The following ARID1B variants were observed in gnomAD, a reference collection of about 807,000 sequenced individuals.
The protein encoded by ARID1B is AT-rich interaction domain 1B.
Under a neutral mutation model 212.3 loss-of-function variants are expected in ARID1B, and 30 were observed. The observed-to-expected ratio is 0.14, with a 90% CI of 0.11 to 0.19. ARID1B has a LOEUF of 0.19. Ranked by LOEUF, ARID1B falls within the 10% of genes least tolerant of loss-of-function variation. The pLI, the probability that ARID1B is intolerant of heterozygous loss-of-function variation, is 1.00. For synonymous variants in ARID1B, 1,402 were observed against 1,301.7 expected, an observed-to-expected ratio of 1.08 and a Z score of -1.66; for missense variants, 2,891 against 3,204.0, an observed-to-expected ratio of 0.90 and a Z score of 2.36.
intron 8 of ARID1B, among the ~76,000 whole-genome samples, chr6:157,162,131 G>A (rs922435650): frequency 2.6e-5 from 4 of 152,164 alleles, no homozygotes; most frequent in South Asian, 2.1e-4. Context: ...ACACTTCACC[G>A]TCTGTCACTG....
At chr6:157,022,403 C>T (rs1451212883) in intron 4 of ARID1B, 1 of 152,262 alleles carries the variant, frequency 6.6e-6, no homozygotes. Context: ...GTTTCATCTC[C>T]TGCCTGTGCT....
At position 157,208,894 on chromosome 6, in the gene ARID1B, A is replaced by ATT. The variant is rs917676120; in HGVS notation, c.*1003_*1004insTT. The ATT allele has an allele frequency of 8.8e-6, 2 of 228,464 alleles. No homozygotes were observed. Among genetic ancestry groups the ATT allele is most frequent in the Admixed American group, 1.1e-4 (2 of 17,642 alleles). 14.2% of individuals were successfully genotyped at this position (228,464 alleles called of 1,614,324 possible). On this transcript the variant is annotated 3_prime_UTR_variant, in exon 20 of 20. Coordinates refer to ENST00000636930, the MANE Select transcript of ARID1B (RefSeq NM_001374828.1). ...AACAAAAACAAAAAAAAAAGAGGGTAATGTACAAGTTTCTGTATGTATAAA... is the reference window on the plus strand; with the variant it reads ...AACAAAAACAAAAAAAAAAGAGGGTATTATGTACAAGTTTCTGTATGTATAAA...
intron 4 of ARID1B, among the ~76,000 whole-genome samples, chr6:156,973,578 A>G (rs1777066001): frequency 6.6e-6 from 1 of 152,230 alleles, no homozygotes; most frequent in South Asian, 2.1e-4. Flanking sequence ...TTTAAGCATC[A>G]CAGAATTTCC....
At chr6:156,958,236 T>G (rs1794110140) in intron 4 of ARID1B, among the ~76,000 whole-genome samples, 1 of 152,194 alleles carries the variant, frequency 6.6e-6, no homozygotes, top group African/African-American at 2.4e-5. Flanking sequence ...GCTCCACACC[T>G]AGGAACAGCT....
rs2128463457 is a variant in ARID1B, at chr6:157,084,897, G to C, written c.2483G>C (p.Ser828Thr). The C allele has an allele frequency of 6.2e-7, 1 of 1,604,582 alleles. No homozygotes were observed. Reference sequence around the variant, plus strand: ...CGATCTGGCCCAATCTCTCCTGCAAGTATCCCAGGTATTTACTTTCCTGAC... The same window carrying C: ...CGATCTGGCCCAATCTCTCCTGCAACTATCCCAGGTATTTACTTTCCTGAC... ...QSRSGPISPA[S>T]IPGSQMPPQP... Residue 828 changes from serine to threonine, a missense_variant, in exon 5 of 20, where the codon AGT becomes ACT. Physicochemically the swap from Ser to Thr is moderately conservative, Grantham distance 58. Coordinates refer to ENST00000636930, the MANE Select transcript of ARID1B (RefSeq NM_001374828.1).
intron 11 of ARID1B, among the ~76,000 whole-genome samples, chr6:157,179,759 A>G (rs1462982114): frequency 2.6e-5 from 4 of 152,342 alleles, no homozygotes; most frequent in South Asian, 4.1e-4. Flanking sequence ...GCGGCCTCAC[A>G]TGCTGCGTAA....
At chr6:156,887,041 TAGC>T (rs934224948) in intron 2 of ARID1B, among the ~76,000 whole-genome samples, 9 of 152,222 alleles carry the variant, frequency 5.9e-5, no homozygotes, top group African/African-American at 1.9e-4. Context: ...GGGCTGGTGG[TAGC>T]AGCATCTTCG....
In ARID1B at chr6:157,174,718, TTATATA is replaced by T. The variant is rs1214659659; in HGVS notation, c.3346-112_3346-107del. 2,079 of 249,970 alleles carry T rather than the reference TTATATA, an allele frequency of 8.3e-3. 50 individuals carry two copies. The highest frequency in any genetic ancestry group is 0.047 in the African/African-American group (1,946 of 41,338). 15.5% of individuals were successfully genotyped at this position (249,970 alleles called of 1,614,324 possible). A position where few individuals can be genotyped will look rare whatever the true frequency, so the allele number is the denominator to read the frequency against. Reference sequence around the variant, plus strand: ...TTTGTGTGTTTGTTTGTACATGTCTTTATATATATATATATATATATAATATATATA... The same window carrying T: ...TTTGTGTGTTTGTTTGTACATGTCTTTATATATATATATATAATATATATA... On this transcript the variant is annotated intron_variant, in intron 10 of 19. Coordinates refer to ENST00000636930, the MANE Select transcript of ARID1B (RefSeq NM_001374828.1).
intron 1 of ARID1B, among the ~76,000 whole-genome samples, chr6:156,814,582 T>C (rs1358404378): frequency 6.6e-6 from 1 of 152,172 alleles, no homozygotes; most frequent in African/African-American, 2.4e-5. Context: ...ACAAATTGGC[T>C]TGGCGTGGTC....
At chr6:156,916,179 G>C (rs542186346) in intron 3 of ARID1B, among the ~76,000 whole-genome samples, 1 of 152,326 alleles carries the variant, frequency 6.6e-6, no homozygotes, top group East Asian at 1.9e-4. Flanking sequence ...GAAGTACACA[G>C]TTGGACATTG....
rs140395475 is a variant in ARID1B at position 156,951,270 on chromosome 6, A to G, written c.2247+15694A>G. The stretch of plus-strand genomic sequence containing the variant: ...CGTTTGTATAAACAAAGACTGCTCC[A>G]AGCGGATTACAAATTCTTAAAAAAG... On this transcript the variant is annotated intron_variant, in intron 4 of 19. Transcript: ENST00000636930. 2.3e-3 allele frequency among the ~76,000 whole-genome samples: 346 copies of G among 152,340 alleles called. 1 individual carries two copies. The highest frequency in any genetic ancestry group is 8.1e-3 in the African/African-American group (336 of 41,584).
At chr6:157,096,942 G>A (rs1228418493) in intron 5 of ARID1B, among the ~76,000 whole-genome samples, 1 of 152,192 alleles carries the variant, frequency 6.6e-6, no homozygotes, top group Non-Finnish European at 1.5e-5. Context: ...GCAGGTGCTG[G>A]TTTCCTTCAA....
chr6:156,853,258 A>C (rs544146277), intron 2 of ARID1B, among the ~76,000 whole-genome samples: 1 of 152,384 alleles, frequency 6.6e-6, no homozygotes, highest in Non-Finnish European at 1.5e-5. Flanking sequence ...AAGTCTATGT[A>C]AAAATGAATT....
chr6:157,198,466 T>A (rs1793883776), intron 16 of ARID1B: 1 of 253,910 alleles, frequency 3.9e-6, no homozygotes, highest in African/African-American at 2.2e-5. Flanking sequence ...CGACACTTCC[T>A]AAGGTACACG....
At chr6:157,149,220 T>C (rs1401914059) in intron 8 of ARID1B, 5 of 445,418 alleles carry the variant, frequency 1.1e-5, no homozygotes, top group Non-Finnish European at 2.1e-5. Context: ...TGAATAGTCA[T>C]TGCAGCAGCA....
chr6:157,078,369 A>G (rs909865982), intron 4 of ARID1B, among the ~76,000 whole-genome samples: 1 of 152,184 alleles, frequency 6.6e-6, no homozygotes, highest in East Asian at 1.9e-4. Context: ...CCCAGATTCT[A>G]TATACCCAAA....
intron 2 of ARID1B, among the ~76,000 whole-genome samples, chr6:156,878,177 C>G (rs1028253312): frequency 5.9e-5 from 9 of 152,214 alleles, no homozygotes; most frequent in Middle Eastern, 6.8e-3. Flanking sequence ...TTTTGAGGCT[C>G]TCCTTTAGTT....
At chr6:157,122,918 G>T (rs1787840374) in intron 6 of ARID1B, among the ~76,000 whole-genome samples, 1 of 152,194 alleles carries the variant, frequency 6.6e-6, no homozygotes, top group East Asian at 1.9e-4. Flanking sequence ...CTGACCTCAG[G>T]TGATCCACCC....
At chr6:156,857,207 G>C (rs1054515095) in intron 2 of ARID1B, among the ~76,000 whole-genome samples, 3 of 152,214 alleles carry the variant, frequency 2.0e-5, no homozygotes, top group Admixed American at 2.0e-4. Flanking sequence ...TAGGTTAAGT[G>C]ACATTCCTAA....
Sources: gnomAD v4.1 joint callset for allele counts (sites outside exome capture counted in the v4.1 genomes callset) on GRCh38, gnomAD v4.1.1 for gene constraint, MANE v1.5 for transcripts, NCBI Gene and HGNC (gene_info 2026-07-23, HGNC 2026-07-21) for gene names.